Variants in DOCK9 observed in about 807,000 individuals in gnomAD.
The protein encoded by DOCK9 is dedicator of cytokinesis 9, also known as dedicator of cytokinesis protein 9.
DOCK9 carries 89 observed loss-of-function variants against 263.3 expected under a neutral mutation model. That is an observed-to-expected ratio of 0.34 (90% CI 0.28 to 0.40). DOCK9 has a LOEUF of 0.40. Among genes scored for constraint, DOCK9 ranks in the 10% least tolerant of loss-of-function variants. The pLI is 1.00. For synonymous variants in DOCK9, 976 were observed against 973.1 expected, an observed-to-expected ratio of 1.00 and a Z score of -0.06; for missense variants, 2,140 against 2,603.4, an observed-to-expected ratio of 0.82 and a Z score of 3.87.
At chr13:98,934,147 C>T (rs931091774) in intron 2 of DOCK9, among the ~76,000 whole-genome samples, 2 of 152,100 alleles carry the variant, frequency 1.3e-5, no homozygotes, top group African/African-American at 4.8e-5. Context: ...TCAAGCAATC[C>T]TCCCACCTCA....
chr13:99,008,785 G>A (rs1047153439), intron 1 of DOCK9, among the ~76,000 whole-genome samples: 8 of 152,184 alleles, frequency 5.3e-5, no homozygotes, highest in African/African-American at 1.7e-4. Flanking sequence ...CGGGGTCCCA[G>A]GAGGATCATT....
intron 1 of DOCK9, chr13:99,015,734 A>G: frequency 7.3e-7 from 1 of 1,374,142 alleles, no homozygotes; most frequent in African/African-American, 1.5e-5. Flanking sequence ...GTACTGGAAC[A>G]GAAGGGAAGC....
chr13:98,988,881 G>C (rs1311363354), intron 1 of DOCK9, among the ~76,000 whole-genome samples: 1 of 152,218 alleles, frequency 6.6e-6, no homozygotes, highest in Non-Finnish European at 1.5e-5. Flanking sequence ...CGTGAAAGAA[G>C]TGGGGAAGGA....
chr13:98,905,455 A>C (rs2048942363), intron 9 of DOCK9, among the ~76,000 whole-genome samples: 1 of 152,204 alleles, frequency 6.6e-6, no homozygotes. Context: ...GGGAAGGCCC[A>C]TTTGGAAGGA....
chr13:99,043,649 A>G (rs539078107), intron 1 of DOCK9, among the ~76,000 whole-genome samples: 4 of 152,188 alleles, frequency 2.6e-5, no homozygotes, highest in African/African-American at 9.6e-5. Flanking sequence ...AAGGCTATCT[A>G]TTTTCTTGTC....
At position 98,845,957 on chromosome 13, in the gene DOCK9, C is replaced by T. The variant is rs752549375; in HGVS notation, c.4165G>A (p.Gly1389Ser). Residue 1389 changes from glycine to serine, a missense_variant, in exon 38 of 53, where the codon GGC becomes AGC. Physicochemically the swap from Gly to Ser is moderately conservative, Grantham distance 56. Coordinates refer to ENST00000682017, the MANE Select transcript of DOCK9 (RefSeq NM_001366683.2). ...GMMHARLQQLGSLDNSLTFNH... is the reference protein window; with the variant it reads ...GMMHARLQQLSSLDNSLTFNH... ...AAAGTGAGAGAGTTATCCAGGCTGC[C>T]CAGCTGCTGCAATCTGGCATGCATC... 2.5e-6 allele frequency: 4 copies of T among 1,613,462 alleles called. No homozygotes were observed. The highest frequency in any genetic ancestry group is 3.4e-6 in the Non-Finnish European group (4 of 1,179,728).
At chr13:98,946,029 A>AGCCAGGAGCCT (rs60193507) in intron 2 of DOCK9, among the ~76,000 whole-genome samples, 63,168 of 151,670 alleles carry the variant, frequency 0.42, 13,477 homozygotes, top group East Asian at 0.56. Context: ...ATAGGTCCCA[A>AGCCAGGAGCCT]GCCTCGCGGG....
At chr13:98,966,844 G>A (rs1257648898) in intron 1 of DOCK9, among the ~76,000 whole-genome samples, 2 of 152,196 alleles carry the variant, frequency 1.3e-5, no homozygotes, top group African/African-American at 4.8e-5. Flanking sequence ...CAGAGGTGGT[G>A]ACAGGTATAT....
At chr13:98,936,385 C>A (rs112627980) in intron 2 of DOCK9, among the ~76,000 whole-genome samples, 1 of 151,850 alleles carries the variant, frequency 6.6e-6, no homozygotes, top group Non-Finnish European at 1.5e-5. Context: ...TTTGGGAGGC[C>A]GAGGTGGGAG....
Position 98,902,494 on chromosome 13 carries a change from GAACAA to G in DOCK9, c.1177-8_1177-4del, listed in dbSNP as rs754158678. ...AGAGTAACAAAGAAAGGTTCAACCT[GAACAA>G]AACAAAACAATCCAATGATCACCAT... On this transcript the variant is annotated splice_polypyrimidine_tract_variant and splice_region_variant and intron_variant, in intron 11 of 52. Coordinates refer to ENST00000682017, the MANE Select transcript of DOCK9 (RefSeq NM_001366683.2). 4.3e-6 allele frequency: 7 copies of G among 1,612,734 alleles called. No homozygotes were observed. The highest frequency in any genetic ancestry group is 4.5e-5 in the East Asian group (2 of 44,848).
intron 38 of DOCK9, among the ~76,000 whole-genome samples, chr13:98,843,441 T>C (rs533261215): frequency 1.3e-5 from 2 of 152,290 alleles, no homozygotes; most frequent in East Asian, 1.9e-4. Flanking sequence ...GAGTTGATGA[T>C]TTGGAGCTCA....
At chr13:98,922,381 C>T (rs1196549461) in intron 5 of DOCK9, among the ~76,000 whole-genome samples, 1 of 152,196 alleles carries the variant, frequency 6.6e-6, no homozygotes, top group Non-Finnish European at 1.5e-5. Context: ...AAGCTAGCTC[C>T]TGTCCAAATT....
Position 99,078,751 on chromosome 13 carries a change from T to C in DOCK9, c.129+7472A>G, listed in dbSNP as rs778993049. Among the ~76,000 whole-genome samples the C allele has an allele frequency of 7.9e-5, 12 of 152,308 alleles. No individual in the cohort carries two copies. In the South Asian group the frequency reaches 1.0e-3, roughly 13 times the overall value. ...TATACAACAGGAAGAAAAAGAACTA[T>C]CTCTCAGGAGTAAGTGGCTTCGCTC... On this transcript the variant is annotated intron_variant, in intron 1 of 32. Coordinates refer to the DOCK9 transcript ENST00000427887.
intron 1 of DOCK9, among the ~76,000 whole-genome samples, chr13:99,001,723 C>T (rs772108807): frequency 1.3e-5 from 2 of 152,218 alleles, no homozygotes; most frequent in Non-Finnish European, 2.9e-5. Context: ...GACAGGACAG[C>T]CTGAGATATC....
chr13:98,897,382 C>T (rs77303536), intron 15 of DOCK9, 106 bp downstream of exon 15: 35,647 of 1,407,114 alleles, frequency 0.025, 556 homozygotes, highest in Non-Finnish European at 0.03. Context: ...TTTGCCATCC[C>T]CTCTGATGTC....
Position 98,885,046 on chromosome 13 carries a change from T to C in DOCK9, c.2307A>G (p.Thr769=), listed in dbSNP as rs750195945. The C allele has an allele frequency of 9.3e-6, 15 of 1,613,720 alleles. No homozygotes were observed. The highest frequency in any genetic ancestry group is 1.6e-4 in the Middle Eastern group (1 of 6,062). The change falls in exon 21 of 53, where the codon ACA becomes ACG. Residue 769 remains threonine (T), a synonymous_variant. Coordinates refer to ENST00000682017, the MANE Select transcript of DOCK9 (RefSeq NM_001366683.2). ...LPLLKDGRVV[T]SEQHIPVSAN... is the part of the protein sequence containing the mutation. ...CCGAGACCGGGATGTGCTGCTCGCT[T>C]GTCACCACCCTTCCGTCTTTCAGGA...
chr13:99,028,190 A>G (rs1317144406), intron 1 of DOCK9, among the ~76,000 whole-genome samples: 1 of 152,180 alleles, frequency 6.6e-6, no homozygotes, highest in Non-Finnish European at 1.5e-5. Context: ...GGAAGGTGAG[A>G]CTGCCACTGA....
At chr13:98,886,454 T>C in intron 19 of DOCK9, 78 bp downstream of exon 19, 1 of 1,187,370 alleles carries the variant, frequency 8.4e-7, no homozygotes, top group South Asian at 1.4e-5. Flanking sequence ...TCTCTTGAAT[T>C]TTCCTTTACC....
chr13:99,009,269 T>C (rs1412145409), intron 1 of DOCK9, among the ~76,000 whole-genome samples: 4 of 152,120 alleles, frequency 2.6e-5, no homozygotes, highest in Admixed American at 2.6e-4. Context: ...ACACAGGAAA[T>C]GGATCAAGGA....
Sources: gnomAD v4.1 joint callset for allele counts (sites outside exome capture counted in the v4.1 genomes callset) on GRCh38, gnomAD v4.1.1 for gene constraint, MANE v1.5 for transcripts, NCBI Gene and HGNC (gene_info 2026-07-23, HGNC 2026-07-21) for gene names.